The following ULK2 variants were observed in gnomAD, a reference collection of about 807,000 sequenced individuals.
The protein encoded by ULK2 is serine/threonine-protein kinase ULK2.
In ULK2, 76 loss-of-function variants were observed where a neutral mutation model predicts 127.5. That is an observed-to-expected ratio of 0.60 (90% confidence interval 0.50 to 0.72). The LOEUF (loss-of-function observed/expected upper bound fraction) is 0.72. Ranked by LOEUF, ULK2 falls within the 30% of genes least tolerant of loss-of-function variation. ULK2 has a pLI of 0.00. For missense variants in ULK2, 1,144 were observed against 1,295.9 expected (o/e 0.88, Z 1.80); for synonymous variants, 452 against 461.9 (o/e 0.98, Z 0.28).
chr17:19,801,712 G>A (rs2087402716), intron 16 of ULK2, 65 bp downstream of exon 16: 7 of 1,596,702 alleles, frequency 4.4e-6, no homozygotes, highest in Non-Finnish European at 5.1e-6. Context: ...TAAAGAAAAT[G>A]TGTCATGTCA....
intron 13 of ULK2, among the ~76,000 whole-genome samples, chr17:19,814,427 T>C (rs1227150609): frequency 2.1e-3 from 34 of 16,020 alleles, no homozygotes; most frequent in Non-Finnish European, 3.5e-3. Flanking sequence ...TATATATATA[T>C]ATATATATAT....
At chr17:19,831,027 T>TTA (rs1555561409) in intron 10 of ULK2, among the ~76,000 whole-genome samples, 4 of 136,932 alleles carry the variant, frequency 2.9e-5, no homozygotes, top group Non-Finnish European at 6.2e-5. Flanking sequence ...ACTCCGTCGC[T>TTA]AAAAAAAAAA....
chr17:19,799,271 T>C (rs2087342507), intron 17 of ULK2, among the ~76,000 whole-genome samples: 1 of 152,100 alleles, frequency 6.6e-6, no homozygotes, highest in Admixed American at 6.5e-5. Context: ...AGCCAAGTTA[T>C]TTAATTTCTA....
At chr17:19,815,155 A>G (rs535160884) in intron 13 of ULK2, among the ~76,000 whole-genome samples, 74 of 152,332 alleles carry the variant, frequency 4.9e-4, no homozygotes, top group Middle Eastern at 3.4e-3. Context: ...AAGTATGGAT[A>G]CAATTGTATG....
chr17:19,861,656 T>C (rs2042245700), intron 3 of ULK2, among the ~76,000 whole-genome samples: 2 of 152,248 alleles, frequency 1.3e-5, no homozygotes, highest in South Asian at 4.1e-4. Context: ...GTTAACATTA[T>C]TTAACAGTTT....
intron 12 of ULK2, among the ~76,000 whole-genome samples, chr17:19,822,714 T>A (rs2041184676): frequency 6.6e-6 from 1 of 151,260 alleles, no homozygotes; most frequent in South Asian, 2.1e-4. Context: ...TGAGATGGAG[T>A]CTCGCTCTGT....
chr17:19,843,203 G>C lies in ULK2; in HGVS notation c.563C>G (p.Ser188Cys), dbSNP rs770965002. The C allele has an allele frequency of 1.1e-5, 17 of 1,583,128 alleles. No homozygotes were observed. The highest frequency in any genetic ancestry group is 2.8e-5 in the African/African-American group (2 of 72,584). Residue 188 changes from serine to cysteine, a missense_variant, in exon 8 of 27, where the codon TCT becomes TGT. Around this residue, in one of 2 missense-constraint regions of ULK2, gnomAD observed 231 missense variants for 325.4 expected, o/e 0.71. Transcript: ENST00000395544. ...PMYMAPEVIM[S>C]QHYDAKADLW... is the part of the protein sequence containing the mutation. ...GTCAGCCTTAGCATCATAATGTTGA[G>C]ACATAATAACCTCAGGAGCCTGGGA...
intron 12 of ULK2, among the ~76,000 whole-genome samples, chr17:19,818,187 A>G (rs571344094): frequency 2.4e-4 from 36 of 152,122 alleles, no homozygotes; most frequent in African/African-American, 8.7e-4. Flanking sequence ...GCCGGGCATG[A>G]CGGCGGGCGC....
intron 13 of ULK2, among the ~76,000 whole-genome samples, chr17:19,815,580 A>ATTATATAT (rs1195552502): frequency 2.0e-5 from 3 of 152,200 alleles, no homozygotes; most frequent in Non-Finnish European, 4.4e-5. Context: ...TGCGCCCAGC[A>ATTATATAT]ACTTATGGCA....
chr17:19,833,144 A>C (rs1001863468), intron 10 of ULK2, among the ~76,000 whole-genome samples: 18 of 151,470 alleles, frequency 1.2e-4, no homozygotes, highest in East Asian at 1.9e-4. Flanking sequence ...AAAAAAAAAA[A>C]AAAAAACAGA....
chr17:19,782,006 A>G lies in ULK2; in HGVS notation c.2522T>C (p.Leu841Pro). Residue 841 changes from leucine (L) to proline (P), a missense_variant, in exon 23 of 27, where the codon CTG becomes CCG. This residue lies in a region of ULK2 where 913 missense variants were observed against 970.5 expected (regional missense o/e 0.94). Coordinates refer to ENST00000395544, the MANE Select transcript of ULK2 (RefSeq NM_014683.4). The stretch of plus-strand genomic sequence containing the variant: ...TCCTCCCCTCATGGCTGTCAGGTCC[A>G]GCACACACTCAGTGAACATCAGCAT... ...NVMLMFTECV[L>P]DLTAMRGGNP... 1.2e-6 allele frequency: 2 copies of G among 1,614,242 alleles called. No individual in the cohort carries two copies. Among genetic ancestry groups the G allele is most frequent in the South Asian group, 1.1e-5 (1 of 91,088 alleles).
In ULK2 at chr17:19,810,571, A is replaced by G. The variant is rs542647074; in HGVS notation, c.1097-133T>C. 35 of 573,264 alleles carry G rather than the reference A, an allele frequency of 6.1e-5. 1 individual carries two copies. In the South Asian group the frequency reaches 1.0e-3, roughly 17 times the overall value. 35.5% of individuals were successfully genotyped at this position (573,264 alleles called of 1,614,324 possible). A position where few individuals can be genotyped will look rare whatever the true frequency, so the allele number is the denominator to read the frequency against. ...ATTGGCTTATGTTATGATTTCATGTATAAGAAATAATAGATGACCTCAGAA... is the reference window on the plus strand; with the variant it reads ...ATTGGCTTATGTTATGATTTCATGTGTAAGAAATAATAGATGACCTCAGAA... On this transcript the variant is annotated intron_variant, in intron 13 of 26. Transcript: ENST00000395544.
intron 5 of ULK2, among the ~76,000 whole-genome samples, 190 bp downstream of exon 5, chr17:19,849,179 T>G (rs1409817096): frequency 6.6e-6 from 1 of 152,128 alleles, no homozygotes; most frequent in Non-Finnish European, 1.5e-5. Flanking sequence ...AAGTAAAGCT[T>G]AGAAACAAAA....
At chr17:19,853,595 A>C in intron 3 of ULK2, among the ~76,000 whole-genome samples, 1 of 149,192 alleles carries the variant, frequency 6.7e-6, no homozygotes, top group Non-Finnish European at 1.5e-5. Flanking sequence ...TTTTGAGACA[A>C]GAGTCTCACT....
chr17:19,778,520 T>C (rs1298115578), intron 25 of ULK2, among the ~76,000 whole-genome samples: 1 of 152,212 alleles, frequency 6.6e-6, no homozygotes, highest in African/African-American at 2.4e-5. Flanking sequence ...GACATTCTGA[T>C]TTTCTCTTTG....
chr17:19,796,193 C>A lies in ULK2; in HGVS notation c.1899G>T (p.Ser633=). Residue 633 remains serine (S), a synonymous_variant, in exon 19 of 27, where the codon TCG becomes TCT. Coordinates refer to ENST00000395544, the MANE Select transcript of ULK2 (RefSeq NM_014683.4). ...ATTCCCGTGGCTCATTCCCATCTTTCGACTGTTCTTCAGCAGGCCCATGAC... is the reference window on the plus strand; with the variant it reads ...ATTCCCGTGGCTCATTCCCATCTTTAGACTGTTCTTCAGCAGGCCCATGAC... The part of the protein sequence containing the change: ...VTRHGPAEEQ[S]KDGNEPRECA... The A allele has an allele frequency of 1.2e-6, 2 of 1,614,138 alleles. No individual in the cohort carries two copies. Among genetic ancestry groups the A allele is most frequent in the African/African-American group, 1.3e-5 (1 of 75,008 alleles).
At chr17:19,776,688 C>CA (rs2086817978) in intron 26 of ULK2, among the ~76,000 whole-genome samples, 1 of 152,122 alleles carries the variant, frequency 6.6e-6, no homozygotes, top group Non-Finnish European at 1.5e-5. Flanking sequence ...ACATACACTC[C>CA]AACCAGTCCA....
chr17:19,799,556 T>C lies in ULK2; in HGVS notation c.1461A>G (p.Gln487=), dbSNP rs1161151764. 3 of 1,567,422 alleles carry C rather than the reference T, an allele frequency of 1.9e-6. No homozygotes were observed. The highest frequency in any genetic ancestry group is 3.9e-5 in the Admixed American group (2 of 50,676). The change falls in exon 17 of 27, where the codon CAA becomes CAG. Residue 487 remains glutamine, a synonymous_variant. Transcript: ENST00000395544. ...GATGCCCACAGCAGCACTGACTGAA[T>C]TGCTCAGGAATGGTACCAACTACAA... ...PSPLVGTIPE[Q]FSQCCCGHPQ...
At chr17:19,799,389 G>C (rs1029027777) in intron 17 of ULK2, 106 bp downstream of exon 17, 7 of 940,610 alleles carry the variant, frequency 7.4e-6, no homozygotes, top group Non-Finnish European at 1.0e-5. Flanking sequence ...GATGGCAGAG[G>C]AGATATTTCA....
Sources: allele counts gnomAD v4.1 joint callset (sites outside exome capture counted in the v4.1 genomes callset), GRCh38; gene constraint gnomAD v4.1.1; regional missense constraint gnomAD v4.1.1; transcripts MANE v1.5; gene names NCBI Gene and HGNC (gene_info 2026-07-23, HGNC 2026-07-21).